The following ANKRD12 variants were observed in gnomAD, a reference collection of about 807,000 sequenced individuals.
The protein encoded by ANKRD12 is ankyrin repeat domain 12, also known as ankyrin repeat domain-containing protein 12.
Under a neutral mutation model 183.4 loss-of-function variants are expected in ANKRD12, and 85 were observed. The ratio of observed to expected loss-of-function variants is 0.46; its 90% CI spans 0.39 to 0.56. The LOEUF is 0.56. ANKRD12 is among the 20% of genes least tolerant of loss of function. The probability of loss-of-function intolerance (pLI) is 0.00; values close to 1 mark genes in which losing one functional copy is unlikely to be tolerated. For synonymous variants in ANKRD12, 914 were observed against 800.2 expected (o/e 1.14, Z -2.40); for missense variants, 2,405 against 2,357.1 (o/e 1.02, Z -0.42).
rs1205754558 is a variant in ANKRD12, at chr18:9,255,972, A to G, written c.2705A>G (p.Lys902Arg). The G allele has an allele frequency of 2.5e-6, 4 of 1,573,940 alleles. No homozygotes were observed. The South Asian group carries it at 3.6e-5, about 14-fold the overall frequency. The change falls in exon 9 of 13, where the codon AAA becomes AGA. Residue 902 changes from lysine (K) to arginine (R), a missense_variant. Around this residue, in one of 7 missense-constraint regions of ANKRD12, gnomAD observed 1,983 missense variants for 1,725.9 expected, o/e 1.15. Coordinates refer to ENST00000262126, the MANE Select transcript of ANKRD12 (RefSeq NM_015208.5). The part of the protein sequence containing the change: ...AAIKKTDDRE[K>R]SREKMDRKHD... ...ATTAAAAAAACTGACGACAGAGAGA[A>G]AAGTAGAGAAAAGATGGATAGGAAA...
At chr18:9,176,389 C>G (rs2033269387) in intron 1 of ANKRD12, among the ~76,000 whole-genome samples, 1 of 152,072 alleles carries the variant, frequency 6.6e-6, no homozygotes, top group Non-Finnish European at 1.5e-5. Flanking sequence ...TTCCCAGGCT[C>G]AAGGAGTCTT....
At chr18:9,185,924 A>G (rs2034017726) in intron 2 of ANKRD12, among the ~76,000 whole-genome samples, 1 of 152,228 alleles carries the variant, frequency 6.6e-6, no homozygotes, top group African/African-American at 2.4e-5. Context: ...GTTAGATTTG[A>G]AGAAAGCATT....
intron 1 of ANKRD12, among the ~76,000 whole-genome samples, chr18:9,172,836 T>C (rs548815215): frequency 7.0e-4 from 107 of 152,306 alleles, no homozygotes; most frequent in African/African-American, 2.4e-3. Flanking sequence ...GCATTATTTC[T>C]CATCTTTGTG....
At chr18:9,220,963 G>T (rs2036388899) in intron 7 of ANKRD12, among the ~76,000 whole-genome samples, 1 of 152,154 alleles carries the variant, frequency 6.6e-6, no homozygotes, top group Non-Finnish European at 1.5e-5. Flanking sequence ...AGTAACAGCT[G>T]CAAGGGCAGA....
At chr18:9,209,731 T>C (rs1286732678) in intron 5 of ANKRD12, among the ~76,000 whole-genome samples, 1 of 152,216 alleles carries the variant, frequency 6.6e-6, no homozygotes, top group Admixed American at 6.5e-5. Context: ...CATTTTGCCA[T>C]GTAAAAACTT....
intron 6 of ANKRD12, among the ~76,000 whole-genome samples, chr18:9,212,875 CTT>C (rs1396632116): frequency 6.6e-6 from 1 of 151,754 alleles, no homozygotes; most frequent in African/African-American, 2.4e-5. Context: ...TTATTATAAA[CTT>C]ATGTGTATTT....
chr18:9,204,183 T>C (rs966803995), intron 3 of ANKRD12, among the ~76,000 whole-genome samples: 6 of 152,178 alleles, frequency 3.9e-5, no homozygotes, highest in Admixed American at 2.6e-4. Flanking sequence ...TGAAAAAATA[T>C]ATAGCCTCAA....
chr18:9,188,122 A>G (rs1330512988), intron 2 of ANKRD12, among the ~76,000 whole-genome samples: 19 of 152,220 alleles, frequency 1.2e-4, no homozygotes, highest in Admixed American at 1.2e-3. Context: ...GTCAGTGATG[A>G]AGGAATATTT....
intron 1 of ANKRD12, among the ~76,000 whole-genome samples, chr18:9,167,041 A>G (rs2032148070): frequency 6.6e-6 from 1 of 151,976 alleles, no homozygotes; most frequent in South Asian, 2.1e-4. Context: ...ATGCGGCATT[A>G]TTTCTGAGGG....
intron 10 of ANKRD12, among the ~76,000 whole-genome samples, chr18:9,268,776 A>G (rs886401262): frequency 3.2e-4 from 49 of 152,304 alleles, no homozygotes; most frequent in African/African-American, 1.1e-3. Flanking sequence ...GGCCAGGGCA[A>G]TCAGGCAGGA....
chr18:9,212,852 A>T (rs2035884947), intron 6 of ANKRD12, among the ~76,000 whole-genome samples: 1 of 151,926 alleles, frequency 6.6e-6, no homozygotes, highest in Admixed American at 6.6e-5. Context: ...GTGATGGTAA[A>T]CATTTCTTAT....
chr18:9,272,219 A>G (rs2039638466), intron 10 of ANKRD12, among the ~76,000 whole-genome samples: 2 of 152,230 alleles, frequency 1.3e-5, no homozygotes, highest in Admixed American at 6.5e-5. Flanking sequence ...AACATTTATC[A>G]TAAAATAACA....
intron 3 of ANKRD12, among the ~76,000 whole-genome samples, chr18:9,200,875 G>A (rs1231521941): frequency 6.6e-6 from 1 of 152,216 alleles, no homozygotes; most frequent in East Asian, 1.9e-4. Context: ...ATCAGGCACT[G>A]ATCTCTTTTC....
chr18:9,256,214 A>C lies in ANKRD12; in HGVS notation c.2947A>C (p.Lys983Gln), dbSNP rs2038612408. ...CTCCAAACACATACAGGAAGAAAAAAAATCAAGTATAGTAGACGGTAATAA... is the reference window on the plus strand; with the variant it reads ...CTCCAAACACATACAGGAAGAAAAACAATCAAGTATAGTAGACGGTAATAA... ...TNSKHIQEEK[K>Q]SSIVDGNKAQ... The change falls in exon 9 of 13, where the codon AAA (lysine) becomes CAA (glutamine). Residue 983 changes from lysine to glutamine, a missense_variant. By Grantham distance (53) the Lys-to-Gln change is moderately conservative. Around this residue, in one of 7 missense-constraint regions of ANKRD12, gnomAD observed 1,983 missense variants for 1,725.9 expected, o/e 1.15. Transcript: ENST00000262126. 3 of 1,577,854 alleles carry C rather than the reference A, an allele frequency of 1.9e-6. No homozygotes were observed. The highest frequency in any genetic ancestry group is 2.6e-6 in the Non-Finnish European group (3 of 1,169,494).
chr18:9,170,142 A>T (rs990127433), intron 1 of ANKRD12, among the ~76,000 whole-genome samples: 1 of 152,112 alleles, frequency 6.6e-6, no homozygotes, highest in African/African-American at 2.4e-5. Flanking sequence ...GGCTGCCCTT[A>T]ACATTTTTTC....
chr18:9,258,492 C>T lies in ANKRD12; in HGVS notation c.5225C>T (p.Thr1742Ile), dbSNP rs2038774902. The change falls in exon 9 of 13, where the codon ACA becomes ATA. Residue 1742 changes from threonine (T) to isoleucine (I), a missense_variant. Physicochemically the swap from Thr to Ile is moderately conservative, Grantham distance 89 (BLOSUM62 -1). Around this residue, in one of 7 missense-constraint regions of ANKRD12, gnomAD observed 1,983 missense variants for 1,725.9 expected, o/e 1.15. Transcript: ENST00000262126. Reference sequence around the variant, plus strand: ...AGAATGACTAGAAACAAAGCAAATACAATGGCAAATCAAAGCAAACAGATT... The same window carrying T: ...AGAATGACTAGAAACAAAGCAAATATAATGGCAAATCAAAGCAAACAGATT... ...PQRMTRNKANTMANQSKQILA... is the reference protein window; with the variant it reads ...PQRMTRNKANIMANQSKQILA... 2 of 1,613,624 alleles carry T rather than the reference C, an allele frequency of 1.2e-6. No individual in the cohort carries two copies. The highest frequency in any genetic ancestry group is 2.7e-5 in the African/African-American group (2 of 74,910).
At chr18:9,169,298 T>C (rs955287481) in intron 1 of ANKRD12, among the ~76,000 whole-genome samples, 7 of 152,214 alleles carry the variant, frequency 4.6e-5, no homozygotes, top group Non-Finnish European at 1.0e-4. Context: ...TTGATCTGTC[T>C]AATGTTGAAA....
intron 1 of ANKRD12, among the ~76,000 whole-genome samples, chr18:9,181,001 A>G (rs552182075): frequency 2.8e-4 from 43 of 152,300 alleles, no homozygotes; most frequent in African/African-American, 1.0e-3. Flanking sequence ...CTTTAACTCC[A>G]TAAGCTTTAC....
At chr18:9,150,852 ACCATATTAG>A in intron 1 of ANKRD12, among the ~76,000 whole-genome samples, 1 of 152,044 alleles carries the variant, frequency 6.6e-6, no homozygotes, top group East Asian at 1.9e-4. Context: ...ACAGGGTTTC[ACCATATTAG>A]CCAGGATGGT....
Sources: allele counts gnomAD v4.1 joint callset (sites outside exome capture counted in the v4.1 genomes callset), GRCh38; gene constraint gnomAD v4.1.1; regional missense constraint gnomAD v4.1.1; transcripts MANE v1.5; gene names NCBI Gene and HGNC (gene_info 2026-07-23, HGNC 2026-07-21).